Variants in GLIS3 observed in about 807,000 individuals in gnomAD.
The protein encoded by GLIS3 is GLIS family zinc finger 3, also known as zinc finger protein GLIS3.
GLIS3 carries 53 observed loss-of-function variants against 78.6 expected under a neutral mutation model. The observed-to-expected ratio is 0.67, with a 90% CI of 0.54 to 0.85. GLIS3 has a LOEUF of 0.85. GLIS3 is among the 40% of genes least tolerant of loss of function. The probability of loss-of-function intolerance (pLI) is 0.00; values close to 1 mark genes in which losing one functional copy is unlikely to be tolerated. For missense variants in GLIS3, 1,703 were observed against 1,231.1 expected (o/e 1.38, Z -5.74); for synonymous variants, 684 against 509.9 (o/e 1.34, Z -4.60).
the GLIS3 span, among the ~76,000 whole-genome samples, chr9:4,473,103 C>A: frequency 4.6e-5 from 7 of 152,224 alleles, no homozygotes; most frequent in East Asian, 1.4e-3. Flanking sequence ...TTTTTCTCTG[C>A]AACCTTGCCA....
rs572890616 is a variant in GLIS3, at chr9:4,313,215, T to C, written n.265-2687A>G. ...TGTAGCTGTCATCAAACTCCTCTAA[T>C]GAGTGTCACCCTAAGCTTCCTCCGC... On this transcript the variant is annotated intron_variant and non_coding_transcript_variant, in intron 2 of 4. Transcript: ENST00000471664. Among the ~76,000 whole-genome samples, 36 of 152,324 alleles carry C rather than the reference T, an allele frequency of 2.4e-4. 1 individual carries two copies. The South Asian group carries it at 7.0e-3, about 30-fold the overall frequency.
At chr9:4,395,882 T>C in the GLIS3 span, among the ~76,000 whole-genome samples, 1 of 151,634 alleles carries the variant, frequency 6.6e-6, no homozygotes, top group Non-Finnish European at 1.5e-5. Context: ...CAAGCGATTC[T>C]CCTGCCTCAG....
chr9:4,286,407 T>C lies in GLIS3; in HGVS notation c.19A>G (p.Ser7Gly), dbSNP rs199939198. The C allele has an allele frequency of 2.5e-5, 40 of 1,614,000 alleles. No homozygotes were observed. The highest frequency in any genetic ancestry group is 3.2e-5 in the Non-Finnish European group (38 of 1,180,056). Reference protein sequence around the residue: MNGRSCSMSLHRTSGTP... With the variant: MNGRSCGMSLHRTSGTP... ...CCCGATGTCCGGTGGAGACTCATGCTGCATGATCTTCCATTCATTCTGAAA... is the reference window on the plus strand; with the variant it reads ...CCCGATGTCCGGTGGAGACTCATGCCGCATGATCTTCCATTCATTCTGAAA... Residue 7 changes from serine to glycine, a missense_variant, in exon 2 of 11, where the codon AGC becomes GGC. Ser to Gly is a moderately conservative substitution (Grantham distance 56). Coordinates refer to ENST00000381971, the MANE Select transcript of GLIS3 (RefSeq NM_001042413.2).
intron 1 of GLIS3, among the ~76,000 whole-genome samples, chr9:4,298,880 G>A (rs948725862): frequency 6.6e-6 from 1 of 152,148 alleles, no homozygotes; most frequent in Non-Finnish European, 1.5e-5. Flanking sequence ...AGACACAGGC[G>A]TGGAAAACAG....
intron 2 of GLIS3, among the ~76,000 whole-genome samples, chr9:4,249,377 T>C (rs1297721616): frequency 6.6e-6 from 1 of 152,194 alleles, no homozygotes; most frequent in Admixed American, 6.5e-5. Flanking sequence ...TTATCCTCTT[T>C]GTAGCAATTG....
chr9:4,173,415 GTCT>G (rs1396384363), intron 2 of GLIS3, among the ~76,000 whole-genome samples: 1 of 152,080 alleles, frequency 6.6e-6, no homozygotes, highest in South Asian at 2.1e-4. Context: ...TGCCACGTGT[GTCT>G]TCTTATCATC....
chr9:4,156,684 G>A (rs1431917232), intron 2 of GLIS3, among the ~76,000 whole-genome samples: 1 of 152,178 alleles, frequency 6.6e-6, no homozygotes, highest in Non-Finnish European at 1.5e-5. Flanking sequence ...ACATATCCTT[G>A]TGAAGGGTAG....
chr9:4,098,909 T>G (rs1830157641), intron 4 of GLIS3, among the ~76,000 whole-genome samples: 2 of 152,176 alleles, frequency 1.3e-5, no homozygotes. Flanking sequence ...CAGGTCTCAA[T>G]GTGTTGATCC....
At chr9:4,139,855 A>T (rs1346254473) in intron 2 of GLIS3, among the ~76,000 whole-genome samples, 1 of 152,164 alleles carries the variant, frequency 6.6e-6, no homozygotes, top group Non-Finnish European at 1.5e-5. Context: ...TTGGGCTGTA[A>T]TGCCCACTGC....
intron 2 of GLIS3, among the ~76,000 whole-genome samples, chr9:4,165,654 TCCAGTCACCTAAGATG>T (rs1381584795): frequency 6.6e-6 from 1 of 152,206 alleles, no homozygotes; most frequent in Non-Finnish European, 1.5e-5. Flanking sequence ...TGGGCGTCAC[TCCAGTCACCTAAGATG>T]CCACGTGGTT....
chr9:4,030,881 A>G (rs1823778434), intron 4 of GLIS3, among the ~76,000 whole-genome samples: 1 of 152,234 alleles, frequency 6.6e-6, no homozygotes, highest in Non-Finnish European at 1.5e-5. Context: ...ATGTGCTGAC[A>G]TTATCAAAAG....
At chr9:3,995,511 T>C (rs1820674041) in intron 4 of GLIS3, among the ~76,000 whole-genome samples, 1 of 151,958 alleles carries the variant, frequency 6.6e-6, no homozygotes, top group African/African-American at 2.4e-5. Flanking sequence ...CAGCTATGTG[T>C]AAGTATGGAA....
intron 1 of GLIS3, among the ~76,000 whole-genome samples, chr9:4,297,524 C>T (rs905416518): frequency 6.6e-6 from 1 of 152,178 alleles, no homozygotes; most frequent in Non-Finnish European, 1.5e-5. Flanking sequence ...CCCTGGGGCC[C>T]CAACTCTCGG....
chr9:4,080,846 C>A (rs1254708575), intron 4 of GLIS3, among the ~76,000 whole-genome samples: 1 of 152,190 alleles, frequency 6.6e-6, no homozygotes, highest in Non-Finnish European at 1.5e-5. Flanking sequence ...TGCAGCCAGG[C>A]CTTCCGTTGG....
At chr9:4,009,492 C>A (rs1821824339) in intron 4 of GLIS3, among the ~76,000 whole-genome samples, 1 of 152,190 alleles carries the variant, frequency 6.6e-6, no homozygotes, top group Non-Finnish European at 1.5e-5. Context: ...CACATAACTT[C>A]CCACCAGAGA....
At chr9:4,144,460 T>C (rs907401087) in intron 2 of GLIS3, among the ~76,000 whole-genome samples, 9 of 152,342 alleles carry the variant, frequency 5.9e-5, no homozygotes, top group South Asian at 2.1e-4. Context: ...GTCATTTTTG[T>C]TTAGTCGGTC....
At chr9:4,270,757 C>G (rs1214778399) in intron 2 of GLIS3, among the ~76,000 whole-genome samples, 1 of 152,224 alleles carries the variant, frequency 6.6e-6, no homozygotes, top group Non-Finnish European at 1.5e-5. Flanking sequence ...TGCCTTCAGC[C>G]TCAGGCTGGA....
intron 1 of GLIS3, among the ~76,000 whole-genome samples, chr9:4,296,347 A>G (rs1328517679): frequency 6.6e-6 from 1 of 151,966 alleles, no homozygotes; most frequent in African/African-American, 2.4e-5. Flanking sequence ...GAATGGCAGA[A>G]GGACCACTTT....
intron 4 of GLIS3, among the ~76,000 whole-genome samples, chr9:4,084,148 C>G (rs142689789): frequency 2.5e-4 from 38 of 152,098 alleles, no homozygotes; most frequent in African/African-American, 7.5e-4. Context: ...AAAAAGACAG[C>G]AAGAACTCCT....
Sources: allele counts gnomAD v4.1 joint callset (sites outside exome capture counted in the v4.1 genomes callset), GRCh38; gene constraint gnomAD v4.1.1; transcripts MANE v1.5; gene names NCBI Gene and HGNC (gene_info 2026-07-23, HGNC 2026-07-21).